SV2C: variants seen among roughly 807,000 people sequenced by gnomAD.
SV2C encodes synaptic vesicle glycoprotein 2C, also known as solute carrier family 22 member B3.
A neutral mutation model predicts 79.7 loss-of-function variants in SV2C; 49 were observed. That is an observed-to-expected ratio of 0.61 (90% confidence interval 0.49 to 0.78). The LOEUF (loss-of-function observed/expected upper bound fraction) is 0.78. SV2C is among the 30% of genes least tolerant of loss of function. The pLI, the probability that SV2C is intolerant of heterozygous loss-of-function variation, is 0.00. For synonymous variants in SV2C, 334 were observed against 333.2 expected (o/e 1.00, Z -0.03); for missense variants, 833 against 912.9 (o/e 0.91, Z 1.13).
At chr5:76,256,224 A>G (rs139518491) in intron 4 of SV2C, among the ~76,000 whole-genome samples, 61 of 152,222 alleles carry the variant, frequency 4.0e-4, no homozygotes, top group African/African-American at 1.4e-3. Context: ...GTACCTTTCC[A>G]GGCTGAATTT....
intron 12 of SV2C, 52 bp from the exon 13 acceptor site, chr5:76,325,312 G>T: frequency 6.3e-7 from 1 of 1,581,686 alleles, no homozygotes; most frequent in South Asian, 1.1e-5. Flanking sequence ...TCTAAAGTTG[G>T]AATCATGGGG....
At chr5:75,878,116 G>T in the SV2C span, among the ~76,000 whole-genome samples, 1 of 152,092 alleles carries the variant, frequency 6.6e-6, no homozygotes, top group Non-Finnish European at 1.5e-5. Context: ...TTTGAGAATT[G>T]TTTTTAAAGA....
At chr5:75,977,950 A>G in the SV2C span, among the ~76,000 whole-genome samples, 1 of 152,176 alleles carries the variant, frequency 6.6e-6, no homozygotes, top group Non-Finnish European at 1.5e-5. Context: ...CTGGGCTGTC[A>G]TCACTCTCCA....
downstream of SV2C, among the ~76,000 whole-genome samples, chr5:76,338,112 A>G (rs549253821): frequency 6.2e-4 from 94 of 152,342 alleles, 1 homozygote; most frequent in South Asian, 7.0e-3. Flanking sequence ...CAGTCCAGAC[A>G]CCAGGTGGAG....
At chr5:76,056,648 T>G in the SV2C span, among the ~76,000 whole-genome samples, 1 of 145,666 alleles carries the variant, frequency 6.9e-6, no homozygotes, top group Non-Finnish European at 1.5e-5. Flanking sequence ...TTTTTTTTTT[T>G]GGTTGGTAGG....
intron 1 of SV2C, among the ~76,000 whole-genome samples, chr5:76,099,185 G>T (rs1425655225): frequency 6.6e-6 from 1 of 152,106 alleles, no homozygotes; most frequent in Non-Finnish European, 1.5e-5. Flanking sequence ...TGCTGGCTTA[G>T]AATTTTTTTT....
the SV2C span, among the ~76,000 whole-genome samples, chr5:75,895,374 A>C: frequency 1.1e-4 from 16 of 152,322 alleles, no homozygotes; most frequent in South Asian, 2.3e-3. Context: ...AGCTATTTTA[A>C]ATATGTTCAA....
intron 2 of SV2C, among the ~76,000 whole-genome samples, chr5:76,183,856 C>G (rs138416941): frequency 6.6e-6 from 1 of 152,296 alleles, no homozygotes; most frequent in African/African-American, 2.4e-5. Context: ...AAACCCAGTA[C>G]AACCATCACC....
chr5:76,264,118 G>T (rs1746568539), intron 4 of SV2C, among the ~76,000 whole-genome samples: 1 of 151,864 alleles, frequency 6.6e-6, no homozygotes, highest in South Asian at 2.1e-4. Context: ...TTTCTTGGAG[G>T]ATTTGTTCAT....
intron 1 of SV2C, among the ~76,000 whole-genome samples, chr5:76,123,737 A>C (rs1465889362): frequency 6.6e-6 from 1 of 152,186 alleles, no homozygotes; most frequent in African/African-American, 2.4e-5. Context: ...TTTCTTGAAT[A>C]GTCTTGGGAG....
chr5:76,108,382 C>T (rs1002514152), intron 1 of SV2C, among the ~76,000 whole-genome samples: 3 of 151,910 alleles, frequency 2.0e-5, no homozygotes, highest in African/African-American at 7.3e-5. Flanking sequence ...ACACAAGAAA[C>T]GGAATGAGAT....
At chr5:75,985,598 G>C in the SV2C span, among the ~76,000 whole-genome samples, 1 of 151,942 alleles carries the variant, frequency 6.6e-6, no homozygotes, top group Non-Finnish European at 1.5e-5. Flanking sequence ...AATGGGGAAA[G>C]ATGTCCTTGC....
At chr5:75,962,124 A>G in the SV2C span, among the ~76,000 whole-genome samples, 2 of 152,150 alleles carry the variant, frequency 1.3e-5, no homozygotes, top group Non-Finnish European at 2.9e-5. Context: ...GCATTTCTCC[A>G]GGACCTGAAG....
At chr5:76,079,554 G>A (rs115348964), upstream of SV2C, 1,901 of 307,574 alleles carry the variant, frequency 6.2e-3, 41 homozygotes, top group African/African-American at 0.04. Flanking sequence ...GAGTTTCTCA[G>A]ACTGATTTTT....
At chr5:76,075,647 C>G in the SV2C span, 1 of 278,460 alleles carries the variant, frequency 3.6e-6, no homozygotes, top group Non-Finnish European at 7.5e-6. Context: ...CAGATCCACA[C>G]TTAGATGGAT....
chr5:76,247,750 G>C (rs1271012752), intron 4 of SV2C, among the ~76,000 whole-genome samples: 2 of 152,162 alleles, frequency 1.3e-5, no homozygotes, highest in African/African-American at 2.4e-5. Context: ...TGGACCAAAA[G>C]TAGTCTTTCT....
chr5:76,131,597 AAT>A, intron 1 of SV2C, 51 bp from the exon 2 acceptor site: 33 of 483,082 alleles, frequency 6.8e-5, no homozygotes, highest in Middle Eastern at 5.7e-4. Context: ...GACGGTAAAA[AAT>A]ATATATATAG....
intron 4 of SV2C, among the ~76,000 whole-genome samples, chr5:76,252,328 C>G (rs538218609): frequency 2.3e-4 from 35 of 152,314 alleles, no homozygotes; most frequent in Middle Eastern, 6.8e-3. Flanking sequence ...GCCATGTTGG[C>G]CAGGCTGGTC....
the SV2C span, among the ~76,000 whole-genome samples, chr5:76,004,472 T>C: frequency 1.3e-5 from 2 of 152,204 alleles, no homozygotes; most frequent in African/African-American, 4.8e-5. Flanking sequence ...GCATATAGAC[T>C]GGTCCTTGTC....
Sources: allele counts gnomAD v4.1 joint callset (sites outside exome capture counted in the v4.1 genomes callset), GRCh38; gene constraint gnomAD v4.1.1; transcripts MANE v1.5; gene names NCBI Gene and HGNC (gene_info 2026-07-23, HGNC 2026-07-21).